FBN2: variants seen among roughly 807,000 people sequenced by gnomAD.
FBN2 encodes the protein fibrillin-2.
Under a neutral mutation model 355.6 loss-of-function variants are expected in FBN2, and 105 were observed. That is an observed-to-expected ratio of 0.30 (90% confidence interval 0.25 to 0.35). The LOEUF is 0.35. Among genes scored for constraint, FBN2 ranks in the 10% least tolerant of loss-of-function variants. FBN2 has a pLI of 1.00. For synonymous variants in FBN2, 1,350 were observed against 1,301.2 expected (o/e 1.04, Z -0.81); for missense variants, 3,280 against 3,758.7 (o/e 0.87, Z 3.33).
At chr5:128,278,586 A>T in intron 57 of FBN2, 49 bp downstream of exon 57, 2 of 1,546,218 alleles carry the variant, frequency 1.3e-6, no homozygotes, top group Non-Finnish European at 1.8e-6. Flanking sequence ...ATCTGAATTC[A>T]TAAAATTTAA....
chr5:128,384,282 G>A (rs943390505), intron 11 of FBN2, among the ~76,000 whole-genome samples: 5 of 151,990 alleles, frequency 3.3e-5, no homozygotes, highest in Admixed American at 3.3e-4. Flanking sequence ...GGACAGGATG[G>A]GGGCTGGGGA....
At chr5:128,303,196 C>G (rs1459375972) in intron 45 of FBN2, 107 bp from the exon 46 acceptor site, 1 of 739,598 alleles carries the variant, frequency 1.4e-6, no homozygotes, top group Non-Finnish European at 2.4e-6. Context: ...TTTCCTCATT[C>G]AGTACTAGAA....
At chr5:128,472,016 C>G (rs1192674383) in intron 5 of FBN2, among the ~76,000 whole-genome samples, 5 of 152,144 alleles carry the variant, frequency 3.3e-5, no homozygotes, top group Non-Finnish European at 7.4e-5. Flanking sequence ...AAAGCGACTA[C>G]TAAAATCTGT....
At chr5:128,376,614 GA>G (rs1296473963) in intron 14 of FBN2, 116 bp downstream of exon 14, 2 of 1,249,742 alleles carry the variant, frequency 1.6e-6, no homozygotes, top group Non-Finnish European at 2.3e-6. Context: ...GAATTAGCAA[GA>G]AATGTGAATA....
At chr5:128,492,713 G>C (rs1257389033) in intron 5 of FBN2, among the ~76,000 whole-genome samples, 2 of 143,776 alleles carry the variant, frequency 1.4e-5, no homozygotes, top group African/African-American at 5.0e-5. Context: ...TGAGGCAGGA[G>C]ATTCACTTGA....
intron 4 of FBN2, among the ~76,000 whole-genome samples, chr5:128,523,452 C>T (rs920031615): frequency 1.3e-5 from 2 of 152,098 alleles, no homozygotes; most frequent in African/African-American, 4.8e-5. Flanking sequence ...CAACTCTCTT[C>T]TTTAGCTACA....
intron 7 of FBN2, among the ~76,000 whole-genome samples, chr5:128,415,235 T>C (rs1231278238): frequency 6.6e-6 from 1 of 152,198 alleles, no homozygotes; most frequent in Non-Finnish European, 1.5e-5. Flanking sequence ...CTAGTTATTT[T>C]GAAATATAAA....
chr5:128,348,822 C>T (rs1456809684), intron 23 of FBN2, among the ~76,000 whole-genome samples: 1 of 152,036 alleles, frequency 6.6e-6, no homozygotes, highest in African/African-American at 2.4e-5. Flanking sequence ...CTATAATATG[C>T]TGTTGAAAGA....
chr5:128,311,470 A>T, intron 38 of FBN2, 45 bp from the exon 39 acceptor site: 5 of 1,604,956 alleles, frequency 3.1e-6, no homozygotes, highest in Middle Eastern at 1.7e-4. Flanking sequence ...ACCTTCACTA[A>T]GGATAAGAGT....
At chr5:128,323,691 G>T (rs1750457201) in intron 34 of FBN2, among the ~76,000 whole-genome samples, 1 of 152,190 alleles carries the variant, frequency 6.6e-6, no homozygotes, top group Admixed American at 6.5e-5. Flanking sequence ...GATTCGGTTT[G>T]CCAGTATTTT....
chr5:128,401,096 T>C (rs919047385), intron 8 of FBN2, among the ~76,000 whole-genome samples: 1 of 152,214 alleles, frequency 6.6e-6, no homozygotes, highest in Non-Finnish European at 1.5e-5. Context: ...GTAAGTCCAA[T>C]TAAACCTCTT....
chr5:128,513,146 C>T (rs920613512), intron 5 of FBN2, among the ~76,000 whole-genome samples: 3 of 152,158 alleles, frequency 2.0e-5, no homozygotes, highest in Admixed American at 6.5e-5. Flanking sequence ...TGCTTTTAAT[C>T]TTTCCAACGA....
intron 8 of FBN2, among the ~76,000 whole-genome samples, chr5:128,399,137 G>T (rs935348196): frequency 3.3e-5 from 5 of 152,168 alleles, no homozygotes; most frequent in Non-Finnish European, 7.3e-5. Flanking sequence ...TAGCAATGTT[G>T]TAAGACCTCA....
intron 5 of FBN2, among the ~76,000 whole-genome samples, chr5:128,514,724 G>A (rs150156258): frequency 3.2e-4 from 49 of 152,198 alleles, no homozygotes; most frequent in Admixed American, 1.4e-3. Flanking sequence ...TGCAGTGTAC[G>A]TTATAGTCTC....
At chr5:128,371,647 C>T (rs1751948180) in intron 15 of FBN2, among the ~76,000 whole-genome samples, 2 of 152,012 alleles carry the variant, frequency 1.3e-5, no homozygotes, top group South Asian at 4.1e-4. Flanking sequence ...GATTCTCCTG[C>T]CTCAGCCTCC....
intron 20 of FBN2, among the ~76,000 whole-genome samples, chr5:128,356,138 C>G (rs556508716): frequency 2.6e-5 from 4 of 152,198 alleles, no homozygotes; most frequent in Non-Finnish European, 2.9e-5. Flanking sequence ...ACCCCACCGC[C>G]CCCCCAACCC....
chr5:128,435,040 T>C (rs1753739544), intron 7 of FBN2, among the ~76,000 whole-genome samples: 1 of 152,196 alleles, frequency 6.6e-6, no homozygotes, highest in South Asian at 2.1e-4. Flanking sequence ...AAAAAGAATT[T>C]AAACATACAA....
chr5:128,490,221 C>G (rs1173194043), intron 5 of FBN2, among the ~76,000 whole-genome samples: 6 of 152,036 alleles, frequency 3.9e-5, no homozygotes. Context: ...GAGATCAGAG[C>G]CATACCCAGA....
intron 5 of FBN2, among the ~76,000 whole-genome samples, chr5:128,505,103 T>C (rs1438145672): frequency 6.6e-6 from 1 of 152,212 alleles, no homozygotes; most frequent in Non-Finnish European, 1.5e-5. Context: ...CCTTCTGCCG[T>C]GATTGTGAGG....
Sources: allele counts gnomAD v4.1 joint callset (sites outside exome capture counted in the v4.1 genomes callset), GRCh38; gene constraint gnomAD v4.1.1; transcripts MANE v1.5; gene names NCBI Gene and HGNC (gene_info 2026-07-23, HGNC 2026-07-21).